LGSN: variants seen among roughly 807,000 people sequenced by gnomAD.
LGSN encodes the protein lengsin.
Under a neutral mutation model 19.5 loss-of-function variants are expected in LGSN, and 21 were observed. That is an observed-to-expected ratio of 1.07 (90% CI 0.76 to 1.55). The LOEUF (loss-of-function observed/expected upper bound fraction) is 1.55, where lower values mean the gene tolerates loss of function less well. LGSN is among the 40% of genes most tolerant of loss of function. The pLI, the probability that LGSN is intolerant of heterozygous loss-of-function variation, is 0.00. For synonymous variants in LGSN, 257 were observed against 215.6 expected, an observed-to-expected ratio of 1.19 and a Z score of -1.68; for missense variants, 673 against 608.5, an observed-to-expected ratio of 1.11 and a Z score of -1.12.
At chr6:63,512,791 A>C in the LGSN span, among the ~76,000 whole-genome samples, 5 of 152,240 alleles carry the variant, frequency 3.3e-5, no homozygotes, top group Non-Finnish European at 7.3e-5. Flanking sequence ...AATTCAGTGT[A>C]AAATAAATAC....
the LGSN span, among the ~76,000 whole-genome samples, chr6:63,394,803 G>A: frequency 6.6e-6 from 1 of 152,226 alleles, no homozygotes; most frequent in Non-Finnish European, 1.5e-5. Context: ...ACTGCCGGGT[G>A]CTGGCTTGCT....
At chr6:63,311,181 A>C (rs912442968) in intron 1 of LGSN, among the ~76,000 whole-genome samples, 2 of 152,190 alleles carry the variant, frequency 1.3e-5, no homozygotes, top group African/African-American at 4.8e-5. Context: ...AATTCTTCAG[A>C]ATCTTGATCA....
At chr6:63,544,030 A>T in the LGSN span, among the ~76,000 whole-genome samples, 3 of 152,104 alleles carry the variant, frequency 2.0e-5, no homozygotes, top group African/African-American at 7.2e-5. Context: ...CCACATTGTA[A>T]TTCTCCGCCC....
the LGSN span, among the ~76,000 whole-genome samples, chr6:63,336,952 C>T: frequency 6.7e-6 from 1 of 149,644 alleles, no homozygotes; most frequent in African/African-American, 2.5e-5. Flanking sequence ...GAGATGGAGT[C>T]TCACCCTGTC....
chr6:63,498,321 T>A, the LGSN span, among the ~76,000 whole-genome samples: 1 of 152,010 alleles, frequency 6.6e-6, no homozygotes, highest in Non-Finnish European at 1.5e-5. Flanking sequence ...GAAGCCTGAT[T>A]TTCTGGCTCC....
chr6:63,499,577 T>A, the LGSN span, among the ~76,000 whole-genome samples: 1 of 152,174 alleles, frequency 6.6e-6, no homozygotes, highest in South Asian at 2.1e-4. Flanking sequence ...GAATAAGAGA[T>A]AGTTCTTTCC....
the LGSN span, among the ~76,000 whole-genome samples, chr6:63,527,518 G>A: frequency 6.6e-6 from 1 of 152,062 alleles, no homozygotes; most frequent in Non-Finnish European, 1.5e-5. Flanking sequence ...AATATCTAAT[G>A]TGCTTTATAC....
At chr6:63,454,600 T>C in the LGSN span, among the ~76,000 whole-genome samples, 17 of 150,162 alleles carry the variant, frequency 1.1e-4, no homozygotes, top group Non-Finnish European at 2.1e-4. Context: ...GCTTCCCAAG[T>C]AGCTGAGATT....
chr6:63,412,709 G>GGAAGGAA, the LGSN span, among the ~76,000 whole-genome samples: 27 of 65,236 alleles, frequency 4.1e-4, no homozygotes, highest in African/African-American at 2.0e-3. Flanking sequence ...GAAAGAAAGA[G>GGAAGGAA]GGAAGGAAGG....
the LGSN span, among the ~76,000 whole-genome samples, chr6:63,481,099 A>C: frequency 6.6e-6 from 1 of 151,864 alleles, no homozygotes; most frequent in Admixed American, 6.6e-5. Context: ...CATTATTCTA[A>C]GTGAAGTAAC....
the LGSN span, among the ~76,000 whole-genome samples, chr6:63,452,237 T>C: frequency 6.6e-6 from 1 of 152,116 alleles, no homozygotes; most frequent in Non-Finnish European, 1.5e-5. Flanking sequence ...TGTTGGTTTT[T>C]CGTTTGTTTG....
chr6:63,343,325 T>C, the LGSN span, among the ~76,000 whole-genome samples: 24 of 152,338 alleles, frequency 1.6e-4, no homozygotes, highest in African/African-American at 5.1e-4. Flanking sequence ...GTCTGAGATA[T>C]GATCTGCCAT....
the LGSN span, among the ~76,000 whole-genome samples, chr6:63,383,413 T>G: frequency 2.7e-5 from 4 of 149,664 alleles, no homozygotes. Flanking sequence ...CACTCTTGCA[T>G]GCACATACAC....
chr6:63,520,431 A>G, the LGSN span, among the ~76,000 whole-genome samples: 1 of 152,158 alleles, frequency 6.6e-6, no homozygotes, highest in African/African-American at 2.4e-5. Flanking sequence ...GTTCAAGACC[A>G]GCCTGGCCAA....
the LGSN span, among the ~76,000 whole-genome samples, chr6:63,340,011 A>G: frequency 6.6e-6 from 1 of 152,042 alleles, no homozygotes; most frequent in East Asian, 1.9e-4. Flanking sequence ...TCATTTTCTG[A>G]AAAAAAGATA....
the LGSN span, among the ~76,000 whole-genome samples, chr6:63,526,826 TATATATA>T: frequency 1.4e-5 from 2 of 143,436 alleles, no homozygotes; most frequent in African/African-American, 5.2e-5. Flanking sequence ...TATATATATA[TATATATA>T]TATTTATTTA....
the LGSN span, among the ~76,000 whole-genome samples, chr6:63,511,847 A>ATG: frequency 3.9e-5 from 6 of 152,298 alleles, no homozygotes; most frequent in African/African-American, 1.4e-4. Flanking sequence ...GTTACTACTT[A>ATG]TGTGTACACA....
chr6:63,364,506 T>G, the LGSN span, among the ~76,000 whole-genome samples: 1 of 152,118 alleles, frequency 6.6e-6, no homozygotes, highest in Non-Finnish European at 1.5e-5. Context: ...AACACCCCAC[T>G]GTCAACATTA....
At chr6:63,446,227 C>T in the LGSN span, among the ~76,000 whole-genome samples, 1,982 of 128,636 alleles carry the variant, frequency 0.015, 38 homozygotes, top group African/African-American at 0.056. Flanking sequence ...CCAGCCTGGG[C>T]GACGAGACTG....
Sources: gnomAD v4.1 joint callset for allele counts (sites outside exome capture counted in the v4.1 genomes callset) on GRCh38, gnomAD v4.1.1 for gene constraint, MANE v1.5 for transcripts, NCBI Gene and HGNC (gene_info 2026-07-23, HGNC 2026-07-21) for gene names.